GRID2: variants seen among roughly 807,000 people sequenced by gnomAD.
GRID2 encodes glutamate ionotropic receptor delta type subunit 2, also known as glutamate receptor ionotropic, delta-2.
A neutral mutation model predicts 114.8 loss-of-function variants in GRID2; 33 were observed. The ratio of observed to expected loss-of-function variants is 0.29; its 90% CI spans 0.22 to 0.38. The LOEUF is 0.38. Among genes scored for constraint, GRID2 ranks in the 10% least tolerant of loss-of-function variants. The pLI is 1.00. For synonymous variants in GRID2, 505 were observed against 449.9 expected (o/e 1.12, Z -1.55); for missense variants, 1,184 against 1,257.7 (o/e 0.94, Z 0.89).
intron 1 of GRID2, among the ~76,000 whole-genome samples, chr4:93,796,453 G>A (rs765269402): frequency 1.3e-4 from 20 of 152,112 alleles, no homozygotes; most frequent in Non-Finnish European, 2.8e-4. Context: ...ATGTAGAGTG[G>A]TCAGAAAAGG....
chr4:92,918,204 AT>A (rs1748981731), intron 2 of GRID2, among the ~76,000 whole-genome samples: 1 of 152,162 alleles, frequency 6.6e-6, no homozygotes, highest in Non-Finnish European at 1.5e-5. Context: ...TTGATTTTGT[AT>A]CCTGAGACTT....
At chr4:93,328,500 T>C (rs866200585) in intron 8 of GRID2, among the ~76,000 whole-genome samples, 2 of 152,176 alleles carry the variant, frequency 1.3e-5, no homozygotes, top group Non-Finnish European at 2.9e-5. Context: ...AAATAACCAC[T>C]CTTGCACAGC....
intron 2 of GRID2, among the ~76,000 whole-genome samples, chr4:92,807,006 AT>A (rs552172243): frequency 2.0e-5 from 3 of 152,080 alleles, no homozygotes; most frequent in Middle Eastern, 6.8e-3. Flanking sequence ...AAATATGTCA[AT>A]TGTTCACCTA....
At chr4:92,433,255 G>A (rs886222203) in intron 1 of GRID2, among the ~76,000 whole-genome samples, 6 of 152,206 alleles carry the variant, frequency 3.9e-5, no homozygotes, top group African/African-American at 9.6e-5. Context: ...ACCCAAGGCA[G>A]TGCCTCACTA....
chr4:93,565,792 A>G (rs553700216), intron 13 of GRID2, among the ~76,000 whole-genome samples: 23 of 152,346 alleles, frequency 1.5e-4, no homozygotes, highest in Non-Finnish European at 2.9e-4. Context: ...TTTAGAGTCT[A>G]AAAATTCTTA....
intron 4 of GRID2, among the ~76,000 whole-genome samples, chr4:93,169,046 C>T (rs1464454164): frequency 1.3e-5 from 2 of 151,536 alleles, no homozygotes; most frequent in Non-Finnish European, 2.9e-5. Flanking sequence ...GCCTCAAGTA[C>T]TATTTTTTAA....
At chr4:93,030,730 C>T (rs1724337398) in intron 2 of GRID2, among the ~76,000 whole-genome samples, 1 of 151,810 alleles carries the variant, frequency 6.6e-6, no homozygotes, top group African/African-American at 2.4e-5. Flanking sequence ...AAACAGACCT[C>T]TTCAAATGGA....
intron 13 of GRID2, among the ~76,000 whole-genome samples, chr4:93,525,466 T>C (rs752642176): frequency 1.3e-5 from 2 of 152,118 alleles, no homozygotes; most frequent in African/African-American, 2.4e-5. Context: ...ACTTGCTAAT[T>C]GGACATTAAT....
intron 1 of GRID2, among the ~76,000 whole-genome samples, chr4:92,354,000 C>T (rs925971103): frequency 8.6e-5 from 13 of 151,942 alleles, no homozygotes; most frequent in South Asian, 4.1e-4. Flanking sequence ...CAAGAAATGC[C>T]GAAACTTTTC....
intron 2 of GRID2, among the ~76,000 whole-genome samples, chr4:92,645,203 A>G (rs1033192787): frequency 7.9e-5 from 12 of 151,700 alleles, no homozygotes; most frequent in African/African-American, 2.9e-4. Context: ...TCATATTGTT[A>G]GAAGTTGATA....
At chr4:92,563,651 A>G (rs1204314922) in intron 1 of GRID2, among the ~76,000 whole-genome samples, 1 of 152,034 alleles carries the variant, frequency 6.6e-6, no homozygotes, top group Non-Finnish European at 1.5e-5. Flanking sequence ...CTCTTTCCTT[A>G]CCAGATTTTC....
intron 2 of GRID2, among the ~76,000 whole-genome samples, chr4:92,817,466 C>A (rs1160789734): frequency 2.0e-5 from 3 of 152,160 alleles, no homozygotes; most frequent in African/African-American, 7.2e-5. Context: ...CCTTTAAGTT[C>A]TAGTCTTAAC....
intron 1 of GRID2, among the ~76,000 whole-genome samples, chr4:92,463,413 A>G (rs1238632919): frequency 2.0e-5 from 3 of 152,016 alleles, no homozygotes; most frequent in Admixed American, 1.3e-4. Context: ...ATTTATTATG[A>G]TAACAATTTA....
intron 1 of GRID2, among the ~76,000 whole-genome samples, chr4:92,468,933 A>T (rs1721888872): frequency 6.6e-6 from 1 of 152,152 alleles, no homozygotes; most frequent in African/African-American, 2.4e-5. Flanking sequence ...GAGACAAGGC[A>T]CTGTGAAGAG....
chr4:93,628,828 C>G (rs944435197), intron 14 of GRID2, among the ~76,000 whole-genome samples: 1 of 147,918 alleles, frequency 6.8e-6, no homozygotes, highest in Non-Finnish European at 1.5e-5. Context: ...TGCAGTGGTG[C>G]GATCTCGGCT....
intron 8 of GRID2, among the ~76,000 whole-genome samples, chr4:93,327,670 T>G (rs1010022306): frequency 2.0e-5 from 3 of 150,512 alleles, no homozygotes; most frequent in African/African-American, 7.4e-5. Context: ...TTCTCACTTA[T>G]AAGTGGGAGC....
intron 1 of GRID2, among the ~76,000 whole-genome samples, chr4:92,537,361 A>G (rs1001767947): frequency 6.6e-6 from 1 of 152,208 alleles, no homozygotes; most frequent in African/African-American, 2.4e-5. Flanking sequence ...GATCTACATC[A>G]GGAATAGTGA....
chr4:92,724,010 T>C (rs1735937329), intron 2 of GRID2, among the ~76,000 whole-genome samples: 2 of 152,182 alleles, frequency 1.3e-5, no homozygotes, highest in African/African-American at 4.8e-5. Flanking sequence ...AATTCCAAAC[T>C]AAGCTCACTG....
At chr4:92,392,037 TTTA>T (rs578173662) in intron 1 of GRID2, among the ~76,000 whole-genome samples, 93 of 152,302 alleles carry the variant, frequency 6.1e-4, no homozygotes, top group African/African-American at 2.2e-3. Flanking sequence ...TCTCCAAAAC[TTTA>T]TTATGTTTTA....
Sources: gnomAD v4.1 joint callset for allele counts (sites outside exome capture counted in the v4.1 genomes callset) on GRCh38, gnomAD v4.1.1 for gene constraint, MANE v1.5 for transcripts, NCBI Gene and HGNC (gene_info 2026-07-23, HGNC 2026-07-21) for gene names.